Variants in PDE4D observed in about 807,000 individuals in gnomAD.
The protein encoded by PDE4D is 3',5'-cyclic-AMP phosphodiesterase 4D.
PDE4D carries 24 observed loss-of-function variants against 87.4 expected under a neutral mutation model. The ratio of observed to expected loss-of-function variants is 0.27; its 90% CI spans 0.20 to 0.39. The LOEUF (loss-of-function observed/expected upper bound fraction) is 0.39. PDE4D is among the 10% of genes least tolerant of loss of function. The pLI is 1.00. For synonymous variants in PDE4D, 384 were observed against 383.2 expected (o/e 1.00, Z -0.02); for missense variants, 714 against 1,041.0 (o/e 0.69, Z 4.32).
intron 2 of PDE4D, among the ~76,000 whole-genome samples, chr5:60,046,894 G>A (rs200562699): frequency 0.2 from 30,892 of 152,000 alleles, 3,539 homozygotes; most frequent in African/African-American, 0.33. Flanking sequence ...AATGAGTTAG[G>A]GAGGATTCCC....
chr5:59,479,778 C>T (rs1803934123), intron 1 of PDE4D, among the ~76,000 whole-genome samples: 1 of 152,016 alleles, frequency 6.6e-6, no homozygotes, highest in African/African-American at 2.4e-5. Flanking sequence ...CAGCTGATTC[C>T]AGCTGCTTGT....
chr5:59,675,299 T>G (rs558371383), intron 1 of PDE4D, among the ~76,000 whole-genome samples: 33 of 150,348 alleles, frequency 2.2e-4, no homozygotes, highest in African/African-American at 7.7e-4. Flanking sequence ...ATCAGTACAT[T>G]CAACTCAGCC....
chr5:59,682,128 A>C (rs1466363415), intron 1 of PDE4D, among the ~76,000 whole-genome samples: 2 of 152,118 alleles, frequency 1.3e-5, no homozygotes, highest in Non-Finnish European at 2.9e-5. Context: ...GAAAACAGCA[A>C]CCATCATAAT....
chr5:60,137,795 C>T lies in PDE4D; in HGVS notation c.42+47762G>A, dbSNP rs184522982. Among the ~76,000 whole-genome samples, 1,104 of 152,100 alleles carry T rather than the reference C, an allele frequency of 7.3e-3. 6 individuals carry two copies. Among genetic ancestry groups the T allele is most frequent in the Admixed American group, 0.014 (211 of 15,262 alleles). On this transcript the variant is annotated intron_variant, in intron 2 of 16. Coordinates refer to the PDE4D transcript ENST00000502484. The stretch of plus-strand genomic sequence containing the variant: ...AGAAGCTCTTTAGTTTAATTAGATC[C>T]CATTTGTCAATTTTTGCTTTTTTTT...
chr5:60,151,295 C>T (rs1466746536), intron 2 of PDE4D, among the ~76,000 whole-genome samples: 1 of 152,148 alleles, frequency 6.6e-6, no homozygotes, highest in Non-Finnish European at 1.5e-5. Flanking sequence ...CAGGTGTGAG[C>T]CACCACACTT....
chr5:59,401,482 A>ATCTGTCTGTCTGTCTGTCTG (rs1291212824), intron 1 of PDE4D, among the ~76,000 whole-genome samples: 1 of 135,726 alleles, frequency 7.4e-6, no homozygotes, highest in Non-Finnish European at 1.6e-5. Flanking sequence ...CTATCTATCT[A>ATCTGTCTGTCTGTCTGTCTG]TCTATTTTGA....
chr5:60,209,774 CAGAA>C (rs1048101644), intron 1 of PDE4D, among the ~76,000 whole-genome samples: 2 of 151,654 alleles, frequency 1.3e-5, no homozygotes, highest in Non-Finnish European at 2.9e-5. Flanking sequence ...AGGAGGGAGA[CAGAA>C]AGATCATGAA....
chr5:59,661,742 T>C (rs887775126), intron 1 of PDE4D, among the ~76,000 whole-genome samples: 6 of 152,230 alleles, frequency 3.9e-5, no homozygotes, highest in Admixed American at 2.6e-4. Context: ...GCATTCTTTA[T>C]GGGTTTGTAA....
chr5:58,998,564 C>A (rs886605125), intron 6 of PDE4D, among the ~76,000 whole-genome samples: 3 of 152,054 alleles, frequency 2.0e-5, no homozygotes, highest in East Asian at 3.9e-4. Flanking sequence ...ACTTGGACAA[C>A]CAAGACTGAA....
At chr5:59,770,349 G>A (rs1763314122) in intron 1 of PDE4D, among the ~76,000 whole-genome samples, 1 of 152,094 alleles carries the variant, frequency 6.6e-6, no homozygotes, top group Non-Finnish European at 1.5e-5. Context: ...TAATGGAAAG[G>A]ATTGGACAAT....
At chr5:59,842,400 G>T (rs973926223) in intron 1 of PDE4D, among the ~76,000 whole-genome samples, 31 of 151,936 alleles carry the variant, frequency 2.0e-4, no homozygotes, top group African/African-American at 7.0e-4. Context: ...TAAATCTACT[G>T]CCCTAGAAAA....
At chr5:59,764,273 A>T (rs1304309025) in intron 1 of PDE4D, among the ~76,000 whole-genome samples, 3 of 152,202 alleles carry the variant, frequency 2.0e-5, no homozygotes, top group Admixed American at 6.5e-5. Flanking sequence ...ATAATAAAAA[A>T]AATACTAGCT....
intron 4 of PDE4D, among the ~76,000 whole-genome samples, chr5:59,181,541 C>CATATATATATATATATATATATA (rs61135815): frequency 5.1e-4 from 31 of 60,824 alleles, no homozygotes; most frequent in African/African-American, 1.5e-3. Flanking sequence ...TCAAAGATGT[C>CATATATATATATATATATATATA]TGATATATAT....
intron 1 of PDE4D, among the ~76,000 whole-genome samples, chr5:60,305,035 C>CTATA (rs200652041): frequency 6.3e-5 from 7 of 111,490 alleles, no homozygotes; most frequent in African/African-American, 2.2e-4. Flanking sequence ...TAGTTTTGAG[C>CTATA]TATACACACA....
At chr5:59,510,686 G>A (rs1171490727) in intron 1 of PDE4D, among the ~76,000 whole-genome samples, 2 of 151,758 alleles carry the variant, frequency 1.3e-5, no homozygotes, top group East Asian at 1.9e-4. Context: ...AGAGACAGAA[G>A]ATGTAAATGA....
intron 1 of PDE4D, among the ~76,000 whole-genome samples, chr5:60,285,401 G>A (rs1251209627): frequency 1.1e-4 from 17 of 151,858 alleles, no homozygotes; most frequent in Admixed American, 1.3e-4. Context: ...ATAAGGATTC[G>A]GCTGTTGCTT....
intron 2 of PDE4D, among the ~76,000 whole-genome samples, chr5:60,143,111 C>T (rs1350838054): frequency 1.3e-5 from 2 of 152,124 alleles, no homozygotes; most frequent in African/African-American, 2.4e-5. Flanking sequence ...AATAAGGAAC[C>T]AGACCCTTTT....
At chr5:59,532,016 T>C (rs1217929356) in intron 1 of PDE4D, among the ~76,000 whole-genome samples, 1 of 152,172 alleles carries the variant, frequency 6.6e-6, no homozygotes, top group Non-Finnish European at 1.5e-5. Flanking sequence ...ACCTGGTATA[T>C]AGTATAAACT....
At chr5:59,065,113 CACACACACACAT>C (rs1426973737) in intron 5 of PDE4D, among the ~76,000 whole-genome samples, 8 of 120,468 alleles carry the variant, frequency 6.6e-5, no homozygotes, top group African/African-American at 3.0e-4. Context: ...CACACACACA[CACACACACACAT>C]ATACAATGAA....
Sources: gnomAD v4.1 joint callset for allele counts (sites outside exome capture counted in the v4.1 genomes callset) on GRCh38, gnomAD v4.1.1 for gene constraint, MANE v1.5 for transcripts, NCBI Gene and HGNC (gene_info 2026-07-23, HGNC 2026-07-21) for gene names.